Variants in RAD51B observed in about 807,000 individuals in gnomAD.
RAD51B encodes the protein DNA repair protein RAD51 homolog 2.
Under a neutral mutation model 42.2 loss-of-function variants are expected in RAD51B, and 38 were observed. The ratio of observed to expected loss-of-function variants is 0.90; its 90% CI spans 0.70 to 1.18. RAD51B has a LOEUF of 1.18. Ranked by LOEUF, RAD51B falls within the 50% of genes most tolerant of loss-of-function variation. The pLI is 0.00. For missense variants in RAD51B, 373 were observed against 400.7 expected (o/e 0.93, Z 0.59); for synonymous variants, 154 against 145.2 (o/e 1.06, Z -0.43).
chr14:68,411,084 T>A (rs2084406802), intron 8 of RAD51B, among the ~76,000 whole-genome samples: 2 of 152,220 alleles, frequency 1.3e-5, no homozygotes, highest in Non-Finnish European at 2.9e-5. Flanking sequence ...TGGTTCTTAT[T>A]CTGTGGAGTA....
chr14:68,148,645 A>G (rs2078307036), intron 7 of RAD51B, among the ~76,000 whole-genome samples: 1 of 152,228 alleles, frequency 6.6e-6, no homozygotes, highest in Non-Finnish European at 1.5e-5. Context: ...GGCTAGTGAT[A>G]TGTGTTACGA....
chr14:68,223,619 C>T (rs761785566), intron 7 of RAD51B, among the ~76,000 whole-genome samples: 1 of 152,230 alleles, frequency 6.6e-6, no homozygotes, highest in East Asian at 1.9e-4. Flanking sequence ...ACATCCCATT[C>T]TGCCAAACCC....
At chr14:67,863,152 T>A (rs2042217861) in intron 4 of RAD51B, among the ~76,000 whole-genome samples, 1 of 5,058 alleles carries the variant, frequency 2.0e-4, no homozygotes. Flanking sequence ...ATATGGGAAT[T>A]TTTTTTTTTT....
chr14:68,174,431 C>G (rs1481359540), intron 7 of RAD51B, among the ~76,000 whole-genome samples: 3 of 151,596 alleles, frequency 2.0e-5, no homozygotes, highest in South Asian at 2.1e-4. Context: ...AAGAGAACAA[C>G]ATCATTTTGA....
intron 9 of RAD51B, among the ~76,000 whole-genome samples, chr14:68,429,888 A>G (rs1407321399): frequency 6.6e-6 from 1 of 152,194 alleles, no homozygotes; most frequent in East Asian, 1.9e-4. Context: ...TAGGTCCAAC[A>G]TGTAAGTCTT....
At chr14:68,653,904 G>A (rs1892755015) in intron 11 of RAD51B, among the ~76,000 whole-genome samples, 1 of 152,262 alleles carries the variant, frequency 6.6e-6, no homozygotes, top group Non-Finnish European at 1.5e-5. Flanking sequence ...TCAGTTGCCT[G>A]ACATGGCAGC....
intron 8 of RAD51B, among the ~76,000 whole-genome samples, chr14:68,370,236 T>G (rs2139945552): frequency 6.6e-6 from 1 of 152,364 alleles, no homozygotes; most frequent in Admixed American, 6.5e-5. Context: ...TGTAATCACA[T>G]ATAGCCATTG....
chr14:68,152,142 C>G (rs1882084766), intron 7 of RAD51B, among the ~76,000 whole-genome samples: 2 of 152,038 alleles, frequency 1.3e-5, no homozygotes, highest in African/African-American at 4.8e-5. Flanking sequence ...CCATGCCCAG[C>G]CATAAAGACT....
chr14:67,972,403 A>G (rs1216691388), intron 7 of RAD51B, among the ~76,000 whole-genome samples: 2 of 152,080 alleles, frequency 1.3e-5, no homozygotes, highest in Admixed American at 6.6e-5. Flanking sequence ...GGAAGGGCCT[A>G]GACTTTAGAG....
chr14:68,605,055 A>G (rs1304199066), intron 10 of RAD51B, among the ~76,000 whole-genome samples: 2 of 152,182 alleles, frequency 1.3e-5, no homozygotes, highest in Non-Finnish European at 2.9e-5. Context: ...CCCTCGCTCC[A>G]GCCCTCAAGG....
intron 7 of RAD51B, among the ~76,000 whole-genome samples, chr14:68,118,506 G>A (rs1802569126): frequency 6.6e-6 from 1 of 152,184 alleles, no homozygotes; most frequent in Non-Finnish European, 1.5e-5. Flanking sequence ...CTTTGTCTCT[G>A]TAGCTGTCTT....
intron 10 of RAD51B, among the ~76,000 whole-genome samples, chr14:68,557,979 C>G (rs1888941942): frequency 1.3e-5 from 2 of 152,050 alleles, no homozygotes; most frequent in Non-Finnish European, 2.9e-5. Flanking sequence ...CTGTGTACCA[C>G]TAAAGCAAAA....
chr14:68,578,953 G>T (rs774449660), intron 10 of RAD51B, among the ~76,000 whole-genome samples: 19 of 152,142 alleles, frequency 1.2e-4, no homozygotes, highest in Admixed American at 4.6e-4. Context: ...TGGATAAGTT[G>T]CTTGGCCTTA....
chr14:68,603,119 G>A (rs1891291932), intron 10 of RAD51B, among the ~76,000 whole-genome samples: 1 of 152,084 alleles, frequency 6.6e-6, no homozygotes, highest in East Asian at 1.9e-4. Context: ...GTGTCTCAAG[G>A]CCAGAGTCCG....
chr14:68,539,400 C>T (rs905129503), intron 10 of RAD51B, among the ~76,000 whole-genome samples: 12 of 152,146 alleles, frequency 7.9e-5, no homozygotes, highest in African/African-American at 2.7e-4. Flanking sequence ...GCCTCCAAGT[C>T]GCCAGCACTC....
chr14:67,989,253 A>G (rs2075247777), intron 7 of RAD51B, among the ~76,000 whole-genome samples: 2 of 152,260 alleles, frequency 1.3e-5, no homozygotes, highest in Non-Finnish European at 2.9e-5. Flanking sequence ...GACATAATAT[A>G]GAATTCCATA....
chr14:68,264,676 G>A (rs976295006), intron 7 of RAD51B, among the ~76,000 whole-genome samples: 4 of 152,164 alleles, frequency 2.6e-5, no homozygotes, highest in Non-Finnish European at 4.4e-5. Context: ...CGAAGTAGGA[G>A]GTTGAGCAGG....
chr14:68,564,635 C>G (rs771328590), intron 10 of RAD51B, among the ~76,000 whole-genome samples: 2 of 152,214 alleles, frequency 1.3e-5, no homozygotes, highest in Admixed American at 6.5e-5. Flanking sequence ...GGTGGAAACT[C>G]TGCTATCTCC....
At chr14:68,000,957 A>G (rs1316993829) in intron 7 of RAD51B, among the ~76,000 whole-genome samples, 1 of 152,184 alleles carries the variant, frequency 6.6e-6, no homozygotes, top group Non-Finnish European at 1.5e-5. Context: ...GAATTTATGT[A>G]TTTATAATAT....
Sources: gnomAD v4.1 joint callset for allele counts (sites outside exome capture counted in the v4.1 genomes callset) on GRCh38, gnomAD v4.1.1 for gene constraint, MANE v1.5 for transcripts, NCBI Gene and HGNC (gene_info 2026-07-23, HGNC 2026-07-21) for gene names.